GRID2: variants seen among roughly 807,000 people sequenced by gnomAD.
GRID2 encodes glutamate ionotropic receptor delta type subunit 2.
A neutral mutation model predicts 114.8 loss-of-function variants in GRID2; 33 were observed. The observed-to-expected ratio is 0.29, with a 90% CI of 0.22 to 0.38. GRID2 has a LOEUF of 0.38. Among genes scored for constraint, GRID2 ranks in the 10% least tolerant of loss-of-function variants. The pLI, the probability that GRID2 is intolerant of heterozygous loss-of-function variation, is 1.00. For missense variants in GRID2, 1,184 were observed against 1,257.7 expected, an observed-to-expected ratio of 0.94 and a Z score of 0.89; for synonymous variants, 505 against 449.9, an observed-to-expected ratio of 1.12 and a Z score of -1.55.
chr4:92,661,800 A>G (rs1296780248), intron 2 of GRID2, among the ~76,000 whole-genome samples: 1 of 151,086 alleles, frequency 6.6e-6, no homozygotes, highest in Non-Finnish European at 1.5e-5. Flanking sequence ...TCAATTAAAA[A>G]GAGGGAAATA....
chr4:92,667,691 A>T (rs553596856), intron 2 of GRID2, among the ~76,000 whole-genome samples: 2 of 151,678 alleles, frequency 1.3e-5, no homozygotes, highest in South Asian at 4.2e-4. Context: ...ATTTAAGACA[A>T]ATCTAGAAAA....
chr4:93,597,563 G>T (rs749937032), intron 13 of GRID2, among the ~76,000 whole-genome samples: 1 of 152,030 alleles, frequency 6.6e-6, no homozygotes, highest in Non-Finnish European at 1.5e-5. Flanking sequence ...CTCTTTCCTA[G>T]GAGAGAACTT....
At chr4:93,113,460 G>GA (rs1732959149) in intron 4 of GRID2, among the ~76,000 whole-genome samples, 1 of 152,124 alleles carries the variant, frequency 6.6e-6, no homozygotes, top group African/African-American at 2.4e-5. Context: ...TGGAGACCAG[G>GA]AAAAAGATCA....
chr4:92,580,905 TA>T (rs1315582703), intron 1 of GRID2, among the ~76,000 whole-genome samples: 4 of 151,216 alleles, frequency 2.6e-5, no homozygotes, highest in African/African-American at 9.8e-5. Context: ...TTTTTTTTTT[TA>T]AATGCATCAG....
At chr4:93,670,185 G>C (rs1724286927) in intron 14 of GRID2, among the ~76,000 whole-genome samples, 1 of 151,996 alleles carries the variant, frequency 6.6e-6, no homozygotes, top group Non-Finnish European at 1.5e-5. Flanking sequence ...ATTGTTTATT[G>C]GAACGAATGA....
At chr4:93,544,792 GAAAAAAAGAA>G (rs1319428784) in intron 13 of GRID2, among the ~76,000 whole-genome samples, 2 of 144,362 alleles carry the variant, frequency 1.4e-5, no homozygotes, top group Admixed American at 6.9e-5. Flanking sequence ...AAAAAAAAAA[GAAAAAAAGAA>G]AAAAAAAGAA....
intron 7 of GRID2, among the ~76,000 whole-genome samples, chr4:93,225,969 G>T (rs1745439344): frequency 1.3e-5 from 2 of 152,084 alleles, no homozygotes; most frequent in Non-Finnish European, 2.9e-5. Flanking sequence ...AAGACTTCCT[G>T]GATAACTAAT....
At chr4:92,592,844 C>CTTGAAAAAAATAAGAGAAAATA (rs1728768060) in intron 2 of GRID2, among the ~76,000 whole-genome samples, 1 of 151,490 alleles carries the variant, frequency 6.6e-6, no homozygotes, top group African/African-American at 2.4e-5. Context: ...AAAACGGTGG[C>CTTGAAAAAAATAAGAGAAAATA]TTGAAAAAAA....
intron 8 of GRID2, among the ~76,000 whole-genome samples, chr4:93,381,384 A>G (rs1277733085): frequency 2.0e-5 from 3 of 152,088 alleles, no homozygotes; most frequent in South Asian, 4.1e-4. Context: ...AGGTTCATCC[A>G]TGTTGTAGTA....
At chr4:92,620,423 A>C (rs1395597955) in intron 2 of GRID2, among the ~76,000 whole-genome samples, 2 of 151,808 alleles carry the variant, frequency 1.3e-5, no homozygotes, top group Non-Finnish European at 2.9e-5. Context: ...GCTATGTTAC[A>C]GGAGGTCTTG....
rs183667308 is a variant in GRID2, at chr4:92,769,866, A to G, written c.244+179580A>G. ...TTAGGCCTTCAGGCCTGTGATGGGA[A>G]GGGCTACTGTGAAGGCCTCTGACAG... is the stretch of plus-strand genomic sequence containing the variant. On this transcript the variant is annotated intron_variant, in intron 2 of 15. Coordinates refer to ENST00000282020, the MANE Select transcript of GRID2 (RefSeq NM_001510.4). Among the ~76,000 whole-genome samples, 269 of 152,282 alleles carry G rather than the reference A, an allele frequency of 1.8e-3. 1 individual carries two copies. Among genetic ancestry groups the G allele is most frequent in the Non-Finnish European group, 2.8e-3 (193 of 68,016 alleles).
intron 2 of GRID2, among the ~76,000 whole-genome samples, chr4:92,718,851 T>C (rs1735673696): frequency 6.6e-6 from 1 of 151,912 alleles, no homozygotes; most frequent in African/African-American, 2.4e-5. Flanking sequence ...TATTATTTAT[T>C]ATCTTCTGAA....
chr4:93,687,532 AGG>A (rs1261721351), intron 14 of GRID2, among the ~76,000 whole-genome samples: 2 of 152,002 alleles, frequency 1.3e-5, no homozygotes, highest in Non-Finnish European at 2.9e-5. Flanking sequence ...AGTAACAGCC[AGG>A]GAAGCAGAAG....
chr4:93,519,867 T>G (rs1345757418), intron 13 of GRID2, among the ~76,000 whole-genome samples: 1 of 151,976 alleles, frequency 6.6e-6, no homozygotes, highest in African/African-American at 2.4e-5. Flanking sequence ...AAGAGCAATA[T>G]GGGGAAAGGG....
chr4:92,726,511 A>G (rs1736076352), intron 2 of GRID2, among the ~76,000 whole-genome samples: 1 of 152,154 alleles, frequency 6.6e-6, no homozygotes, highest in Admixed American at 6.6e-5. Flanking sequence ...ATGCAACCTT[A>G]AAAATTCTTT....
intron 2 of GRID2, among the ~76,000 whole-genome samples, chr4:92,593,887 A>G (rs1669493143): frequency 6.7e-6 from 1 of 149,390 alleles, no homozygotes; most frequent in South Asian, 2.1e-4. Flanking sequence ...CTATTTTGGT[A>G]TCTAGGATGT....
chr4:92,506,893 T>G (rs192887557), intron 1 of GRID2, among the ~76,000 whole-genome samples: 1 of 152,088 alleles, frequency 6.6e-6, no homozygotes, highest in East Asian at 1.9e-4. Context: ...TCATTTTTTC[T>G]AATATGTCTT....
At chr4:93,510,428 G>A (rs1578156492) in intron 12 of GRID2, among the ~76,000 whole-genome samples, 10 of 152,200 alleles carry the variant, frequency 6.6e-5, no homozygotes, top group Middle Eastern at 3.4e-3. Context: ...AAATATAAGT[G>A]AAAGTTTACC....
At chr4:92,600,954 C>T (rs1416128021) in intron 2 of GRID2, among the ~76,000 whole-genome samples, 5 of 152,214 alleles carry the variant, frequency 3.3e-5, no homozygotes, top group South Asian at 2.1e-4. Context: ...TACATCTGGA[C>T]TGCCTAGATT....
Sources: gnomAD v4.1 joint callset for allele counts (sites outside exome capture counted in the v4.1 genomes callset) on GRCh38, gnomAD v4.1.1 for gene constraint, MANE v1.5 for transcripts, NCBI Gene and HGNC (gene_info 2026-07-23, HGNC 2026-07-21) for gene names.